The following FIGN variants were observed in gnomAD, a reference collection of about 807,000 sequenced individuals.
FIGN encodes the protein fidgetin, microtubule severing factor.
In FIGN, 11 loss-of-function variants were observed where a neutral mutation model predicts 51.3. The observed-to-expected ratio is 0.21, with a 90% CI of 0.13 to 0.35. FIGN has a LOEUF of 0.35. FIGN is among the 10% of genes least tolerant of loss of function. The probability of loss-of-function intolerance (pLI) is 1.00; values close to 1 mark genes in which losing one functional copy is unlikely to be tolerated. For synonymous variants in FIGN, 407 were observed against 363.2 expected (o/e 1.12, Z -1.37); for missense variants, 857 against 943.6 (o/e 0.91, Z 1.20).
At chr2:163,672,104 C>T (rs1657969109) in intron 2 of FIGN, among the ~76,000 whole-genome samples, 3 of 152,104 alleles carry the variant, frequency 2.0e-5, no homozygotes, top group Admixed American at 2.0e-4. Flanking sequence ...AATTGTTTTA[C>T]TTTGAAGTTT....
chr2:163,677,053 C>A (rs1683984098), intron 2 of FIGN, among the ~76,000 whole-genome samples: 1 of 152,188 alleles, frequency 6.6e-6, no homozygotes, highest in African/African-American at 2.4e-5. Context: ...TTGACAGCAA[C>A]AATATCCTTG....
rs968517976 is a variant in FIGN at position 163,607,621 on chromosome 2, T to G, written c.*1931A>C. 1 of 152,540 alleles carries G rather than the reference T, an allele frequency of 6.6e-6. No individual in the cohort carries two copies. Among genetic ancestry groups the G allele is most frequent in the African/African-American group, 2.4e-5 (1 of 41,436 alleles). The allele number at this position is 152,540 out of a possible 1,614,324, so 9.4% of individuals were successfully genotyped here. On this transcript the variant is annotated 3_prime_UTR_variant, in exon 3 of 3. Transcript: ENST00000333129. Reference sequence around the variant, plus strand: ...AAACAGAAAGGCCTTTCTTGGGGCTTCTCATTGCATTTATTTAAATTTTTT... The same window carrying G: ...AAACAGAAAGGCCTTTCTTGGGGCTGCTCATTGCATTTATTTAAATTTTTT...
intron 2 of FIGN, among the ~76,000 whole-genome samples, chr2:163,691,157 A>G (rs1684233670): frequency 6.6e-6 from 1 of 152,090 alleles, no homozygotes; most frequent in East Asian, 1.9e-4. Flanking sequence ...TTAATATAAG[A>G]CTAAATTTAT....
intron 2 of FIGN, among the ~76,000 whole-genome samples, chr2:163,727,667 A>C (rs1684858357): frequency 6.6e-6 from 1 of 152,114 alleles, no homozygotes; most frequent in Admixed American, 6.6e-5. Context: ...TACATAAAAG[A>C]ATAGTTACTT....
chr2:163,712,401 C>T (rs1451782206), intron 2 of FIGN, among the ~76,000 whole-genome samples: 3 of 152,164 alleles, frequency 2.0e-5, no homozygotes, highest in African/African-American at 4.8e-5. Flanking sequence ...GTAGAAACAC[C>T]AGCAAAACCC....
At position 163,607,741 on chromosome 2, in the gene FIGN, G is replaced by GA. The variant is rs1019661402; in HGVS notation, c.*1810dup. 1.3e-5 allele frequency: 2 copies of GA among 152,528 alleles called. No homozygotes were observed. Among genetic ancestry groups the GA allele is most frequent in the African/African-American group, 2.4e-5 (1 of 41,408 alleles). 9.4% of individuals were successfully genotyped at this position (152,528 alleles called of 1,614,324 possible). A position where few individuals can be genotyped will look rare whatever the true frequency, so the allele number is the denominator to read the frequency against. On this transcript the variant is annotated 3_prime_UTR_variant, in exon 3 of 3. Transcript: ENST00000333129. ...TCTCTAAACTAAAAAAAGAAAAGGG[G>GA]AAAAAACCCAGGAAAATACATTCAA... is the stretch of plus-strand genomic sequence containing the variant.
chr2:163,636,579 C>G (rs887987201), intron 2 of FIGN, among the ~76,000 whole-genome samples: 1 of 152,146 alleles, frequency 6.6e-6, no homozygotes, highest in Non-Finnish European at 1.5e-5. Context: ...GCCACTGCTC[C>G]CGACTCTAAT....
At chr2:163,630,032 C>T (rs1454538119) in intron 2 of FIGN, among the ~76,000 whole-genome samples, 1 of 127,092 alleles carries the variant, frequency 7.9e-6, no homozygotes, top group East Asian at 2.4e-4. Context: ...ATAATCTTGG[C>T]TCACGGCAAC....
In FIGN at chr2:163,603,578, T is replaced by C. The variant is rs1013538640; in HGVS notation, c.*5974A>G. 3 of 152,122 alleles carry C rather than the reference T, an allele frequency of 2.0e-5. No homozygotes were observed. The highest frequency in any genetic ancestry group is 7.2e-5 in the African/African-American group (3 of 41,448). 9.4% of individuals were successfully genotyped at this position (152,122 alleles called of 1,614,324 possible). A position where few individuals can be genotyped will look rare whatever the true frequency, so the allele number is the denominator to read the frequency against. ...AGACAGCCTCTAGACAATACATTCC[T>C]GCAAGGAATTGTAAGTGAAAGGATT... On this transcript the variant is annotated 3_prime_UTR_variant, in exon 3 of 3. Coordinates refer to ENST00000333129, the MANE Select transcript of FIGN (RefSeq NM_018086.4).
chr2:163,621,424 G>A (rs191007069), intron 2 of FIGN, among the ~76,000 whole-genome samples: 40 of 152,252 alleles, frequency 2.6e-4, no homozygotes, highest in African/African-American at 8.4e-4. Context: ...GTATAATTTA[G>A]TCCAGCCTGA....
intron 2 of FIGN, among the ~76,000 whole-genome samples, chr2:163,661,641 T>C (rs1397009583): frequency 6.6e-6 from 1 of 152,152 alleles, no homozygotes; most frequent in Non-Finnish European, 1.5e-5. Flanking sequence ...TCAACTTGAA[T>C]TGTATCTTTC....
chr2:163,693,325 G>A (rs1290186443), intron 2 of FIGN, among the ~76,000 whole-genome samples: 1 of 152,100 alleles, frequency 6.6e-6, no homozygotes, highest in Admixed American at 6.6e-5. Context: ...GAGGAGCAAG[G>A]GGTTGGATCC....
chr2:163,662,040 T>G (rs910666911), intron 2 of FIGN, among the ~76,000 whole-genome samples: 1 of 151,832 alleles, frequency 6.6e-6, no homozygotes, highest in Non-Finnish European at 1.5e-5. Flanking sequence ...CAGGCAGAGG[T>G]TGGAAGAGTT....
intron 2 of FIGN, among the ~76,000 whole-genome samples, chr2:163,730,778 T>G (rs940280774): frequency 6.6e-6 from 1 of 152,212 alleles, no homozygotes; most frequent in African/African-American, 2.4e-5. Context: ...TATCGATCAG[T>G]AGCATATGTC....
chr2:163,655,107 A>G (rs1683538740), intron 2 of FIGN, among the ~76,000 whole-genome samples: 1 of 152,160 alleles, frequency 6.6e-6, no homozygotes, highest in Non-Finnish European at 1.5e-5. Flanking sequence ...GTTTTATTTT[A>G]TTTTAAGAAA....
intron 2 of FIGN, among the ~76,000 whole-genome samples, chr2:163,715,524 G>T (rs536653675): frequency 6.6e-6 from 1 of 152,168 alleles, no homozygotes; most frequent in Non-Finnish European, 1.5e-5. Flanking sequence ...CACTCCAGCC[G>T]CTCTGAGTGG....
chr2:163,623,756 G>A (rs112776020), intron 2 of FIGN, among the ~76,000 whole-genome samples: 6 of 152,048 alleles, frequency 3.9e-5, no homozygotes, highest in Admixed American at 6.6e-5. Context: ...TAGCTAACTT[G>A]TGAAGATTTT....
intron 2 of FIGN, among the ~76,000 whole-genome samples, chr2:163,699,022 G>A (rs1684367025): frequency 6.6e-6 from 1 of 152,118 alleles, no homozygotes; most frequent in African/African-American, 2.4e-5. Context: ...GCACCCTGGG[G>A]AGAGGAAAAC....
At position 163,607,213 on chromosome 2, in the gene FIGN, C is replaced by T. The variant is rs2105295834; in HGVS notation, c.*2339G>A. On this transcript the variant is annotated 3_prime_UTR_variant, in exon 3 of 3. Transcript: ENST00000333129. ...AACTTGTCAGTGAGATCAATATGAA[C>T]CTACAAGTTAATGTGGATATTAGAA... is the stretch of plus-strand genomic sequence containing the variant. 1 of 152,274 alleles carries T rather than the reference C, an allele frequency of 6.6e-6. No homozygotes were observed. The highest frequency in any genetic ancestry group is 6.5e-5 in the Admixed American group (1 of 15,284). 9.4% of individuals were successfully genotyped at this position (152,274 alleles called of 1,614,324 possible).
Sources: allele counts gnomAD v4.1 joint callset (sites outside exome capture counted in the v4.1 genomes callset), GRCh38; gene constraint gnomAD v4.1.1; transcripts MANE v1.5; gene names NCBI Gene and HGNC (gene_info 2026-07-23, HGNC 2026-07-21).